Variants in RAB38 observed in about 807,000 individuals in gnomAD.
RAB38 encodes RAB38, member RAS oncogene family.
In RAB38, 15 loss-of-function variants were observed where a neutral mutation model predicts 18.4. That is an observed-to-expected ratio of 0.82 (90% confidence interval 0.55 to 1.26). RAB38 has a LOEUF of 1.26. RAB38 is among the 50% of genes most tolerant of loss of function. The pLI is 0.00. For synonymous variants in RAB38, 101 were observed against 104.4 expected, an observed-to-expected ratio of 0.97 and a Z score of 0.20; for missense variants, 294 against 267.4, an observed-to-expected ratio of 1.10 and a Z score of -0.69.
At chr11:88,085,311 T>C in the RAB38 span, among the ~76,000 whole-genome samples, 1 of 151,792 alleles carries the variant, frequency 6.6e-6, no homozygotes, top group Non-Finnish European at 1.5e-5. Flanking sequence ...AAGAAGTTCA[T>C]AGAAGTAGGT....
chr11:88,152,145 CAG>C (rs1375127673), intron 1 of RAB38, among the ~76,000 whole-genome samples: 1 of 152,030 alleles, frequency 6.6e-6, no homozygotes, highest in South Asian at 2.1e-4. Flanking sequence ...TTCAGAAAAA[CAG>C]GGGAAAAAAG....
chr11:87,903,817 T>A, the RAB38 span, among the ~76,000 whole-genome samples: 1 of 151,554 alleles, frequency 6.6e-6, no homozygotes, highest in African/African-American at 2.4e-5. Flanking sequence ...ATTAAGTTTA[T>A]TCATATTAAG....
At chr11:88,118,094 G>A (rs1485649073) in intron 2 of RAB38, among the ~76,000 whole-genome samples, 1 of 152,122 alleles carries the variant, frequency 6.6e-6, no homozygotes, top group Non-Finnish European at 1.5e-5. Flanking sequence ...AAGGCAAGAC[G>A]TATACTGTTT....
chr11:87,814,959 TCC>T, the RAB38 span: 1 of 152,312 alleles, frequency 6.6e-6, no homozygotes, highest in Admixed American at 6.5e-5. Flanking sequence ...GTTCTGGATC[TCC>T]TGACCTCGTG....
the RAB38 span, among the ~76,000 whole-genome samples, chr11:88,045,907 T>C: frequency 1.3e-5 from 2 of 152,128 alleles, no homozygotes; most frequent in African/African-American, 2.4e-5. Context: ...TTTTAAGCAC[T>C]CCTTTTAGTT....
chr11:88,110,645 C>G (rs546963538), downstream of RAB38, among the ~76,000 whole-genome samples: 1 of 151,496 alleles, frequency 6.6e-6, no homozygotes, highest in East Asian at 1.9e-4. Flanking sequence ...GTTGAAACCC[C>G]ACCTCTACTA....
chr11:87,831,541 A>G, the RAB38 span, among the ~76,000 whole-genome samples: 5 of 152,190 alleles, frequency 3.3e-5, no homozygotes, highest in African/African-American at 1.2e-4. Flanking sequence ...AGCCCAAAAA[A>G]GCATGAGCAA....
chr11:88,056,813 A>ATAAT, the RAB38 span, among the ~76,000 whole-genome samples: 15 of 104,008 alleles, frequency 1.4e-4, no homozygotes, highest in African/African-American at 4.0e-4. Context: ...CAATAAATAA[A>ATAAT]TAAATAAATA....
the RAB38 span, among the ~76,000 whole-genome samples, chr11:87,904,982 A>G: frequency 6.6e-6 from 1 of 151,558 alleles, no homozygotes; most frequent in African/African-American, 2.4e-5. Context: ...TCCCATCCCT[A>G]AGTCTCTTTT....
the RAB38 span, among the ~76,000 whole-genome samples, chr11:87,953,489 C>A: frequency 6.6e-6 from 1 of 152,086 alleles, no homozygotes; most frequent in African/African-American, 2.4e-5. Flanking sequence ...TAGGTGAGTA[C>A]ACCACAAAAA....
the RAB38 span, among the ~76,000 whole-genome samples, chr11:88,041,446 A>C: frequency 2.0e-5 from 3 of 152,258 alleles, no homozygotes; most frequent in African/African-American, 7.2e-5. Context: ...TATATCAATT[A>C]CAATAAGTTT....
chr11:88,081,452 A>G, the RAB38 span, among the ~76,000 whole-genome samples: 1 of 151,966 alleles, frequency 6.6e-6, no homozygotes, highest in Non-Finnish European at 1.5e-5. Flanking sequence ...GCCAGAAGTT[A>G]TGGATGTTAA....
At chr11:87,810,998 G>T in the RAB38 span, among the ~76,000 whole-genome samples, 1 of 152,094 alleles carries the variant, frequency 6.6e-6, no homozygotes, top group South Asian at 2.1e-4. Context: ...AGGAAAAGTT[G>T]CCTGAAGAGA....
the RAB38 span, among the ~76,000 whole-genome samples, chr11:87,946,424 T>C: frequency 6.6e-6 from 1 of 152,150 alleles, no homozygotes; most frequent in Non-Finnish European, 1.5e-5. Flanking sequence ...AGTTTTAGGG[T>C]ACATGTGCAC....
the RAB38 span, among the ~76,000 whole-genome samples, chr11:87,925,344 A>G: frequency 1.3e-5 from 2 of 152,190 alleles, no homozygotes; most frequent in Admixed American, 1.3e-4. Flanking sequence ...TTATTTTTCT[A>G]CGAATATTTA....
At chr11:87,832,570 C>A in the RAB38 span, among the ~76,000 whole-genome samples, 3 of 152,088 alleles carry the variant, frequency 2.0e-5, no homozygotes, top group African/African-American at 7.2e-5. Flanking sequence ...CACTGGGGGC[C>A]TCCCTTAACT....
the RAB38 span, among the ~76,000 whole-genome samples, chr11:87,951,023 C>T: frequency 1.3e-5 from 2 of 152,166 alleles, no homozygotes; most frequent in Admixed American, 1.3e-4. Flanking sequence ...TCAGGTACAC[C>T]AATCAGACAT....
At chr11:88,018,342 T>C in the RAB38 span, among the ~76,000 whole-genome samples, 1 of 152,154 alleles carries the variant, frequency 6.6e-6, no homozygotes, top group African/African-American at 2.4e-5. Context: ...GTCCACCCTT[T>C]TCCCACATCA....
the RAB38 span, among the ~76,000 whole-genome samples, chr11:87,916,292 T>G: frequency 6.6e-6 from 1 of 152,068 alleles, no homozygotes; most frequent in African/African-American, 2.4e-5. Flanking sequence ...TGATCCCCAA[T>G]GTGAAGGTGT....
Sources: allele counts gnomAD v4.1 joint callset (sites outside exome capture counted in the v4.1 genomes callset), GRCh38; gene constraint gnomAD v4.1.1; transcripts MANE v1.5; gene names NCBI Gene and HGNC (gene_info 2026-07-23, HGNC 2026-07-21).